TBC1D4: variants seen among roughly 807,000 people sequenced by gnomAD.
The protein encoded by TBC1D4 is TBC (Tre-2, BUB2, CDC16) domain-containing protein.
TBC1D4 carries 121 observed loss-of-function variants against 142.5 expected under a neutral mutation model. The ratio of observed to expected loss-of-function variants is 0.85; its 90% CI spans 0.73 to 0.99. The LOEUF (loss-of-function observed/expected upper bound fraction) is 0.99, where lower values mean the gene tolerates loss of function less well. Ranked by LOEUF, TBC1D4 falls within the 50% of genes least tolerant of loss-of-function variation. TBC1D4 has a pLI of 0.00. For missense variants in TBC1D4, 1,475 were observed against 1,606.6 expected (o/e 0.92, Z 1.40); for synonymous variants, 630 against 628.2 (o/e 1.00, Z -0.04).
chr13:75,354,609 G>A lies in TBC1D4; in HGVS notation c.1275+1538C>T, dbSNP rs111876291. 1.9e-3 allele frequency among the ~76,000 whole-genome samples: 287 copies of A among 152,228 alleles called. 3 individuals carry two copies. The highest frequency in any genetic ancestry group is 6.5e-3 in the African/African-American group (272 of 41,534). On this transcript the variant is annotated intron_variant, in intron 4 of 20. Coordinates refer to ENST00000377636, the MANE Select transcript of TBC1D4 (RefSeq NM_014832.5). ...TAGTTTTTAGAAAGGTAGCAGAGTG[G>A]GGGGATCCAGAACATGACAGAAGGA...
chr13:75,319,783 T>G (rs1427887934), intron 12 of TBC1D4, among the ~76,000 whole-genome samples: 1 of 152,188 alleles, frequency 6.6e-6, no homozygotes, highest in African/African-American at 2.4e-5. Context: ...AATTTCAGCA[T>G]GGAATAGAGT....
chr13:75,463,962 A>G (rs1027711589), intron 1 of TBC1D4, among the ~76,000 whole-genome samples: 10 of 152,154 alleles, frequency 6.6e-5, no homozygotes, highest in African/African-American at 2.2e-4. Flanking sequence ...TAACAGAAAA[A>G]CCAACTCAAC....
At chr13:75,394,342 T>C (rs182312378) in intron 1 of TBC1D4, among the ~76,000 whole-genome samples, 94 of 152,304 alleles carry the variant, frequency 6.2e-4, no homozygotes, top group African/African-American at 1.9e-3. Flanking sequence ...AGCAGAACCA[T>C]AGTTTAGATT....
chr13:75,326,297 G>A lies in TBC1D4; in HGVS notation c.1933C>T (p.His645Tyr). ...QFRRRAHTFS[H>Y]PPSSTKRKLN... ...TTTCTCTTTGTGCTTGAAGGTGGGTGGCTGAACGTGTGTGCCCGTCTTCGA... is the reference window on the plus strand; with the variant it reads ...TTTCTCTTTGTGCTTGAAGGTGGGTAGCTGAACGTGTGTGCCCGTCTTCGA... The change falls in exon 10 of 21, where the codon CAC becomes TAC. Residue 645 changes from histidine to tyrosine, a missense_variant. Coordinates refer to ENST00000377636, the MANE Select transcript of TBC1D4 (RefSeq NM_014832.5). 6.2e-7 allele frequency: 1 copy of A among 1,614,144 alleles called. No homozygotes were observed. The highest frequency in any genetic ancestry group is 8.5e-7 in the Non-Finnish European group (1 of 1,180,048).
intron 8 of TBC1D4, among the ~76,000 whole-genome samples, chr13:75,330,511 T>C (rs1593738807): frequency 1.3e-5 from 2 of 152,314 alleles, no homozygotes; most frequent in South Asian, 4.1e-4. Flanking sequence ...AGTTGTGAGG[T>C]AAGTATGGTT....
At chr13:75,292,073 A>G in intron 19 of TBC1D4, 29 bp downstream of exon 19, 1 of 1,584,078 alleles carries the variant, frequency 6.3e-7, no homozygotes, top group South Asian at 1.1e-5. Context: ...GAAAACTGCT[A>G]TATAATACTA....
At chr13:75,376,515 T>C (rs978682445) in intron 1 of TBC1D4, among the ~76,000 whole-genome samples, 7 of 152,084 alleles carry the variant, frequency 4.6e-5, no homozygotes, top group South Asian at 2.1e-4. Flanking sequence ...GTAGCTGGAA[T>C]TACAGGCATG....
chr13:75,338,589 C>T (rs1880418886), intron 7 of TBC1D4, among the ~76,000 whole-genome samples: 1 of 152,080 alleles, frequency 6.6e-6, no homozygotes, highest in Non-Finnish European at 1.5e-5. Context: ...ATTTCTCCAT[C>T]ACAAAGAAAT....
rs151183862 is a variant in TBC1D4, at chr13:75,434,049, T to A, written c.498+47221A>T. On this transcript the variant is annotated intron_variant, in intron 1 of 20. Transcript: ENST00000377636. ...GGTTGCAGAGAAAAGGAAATACTTA[T>A]TCACTGTTGGTGGGAGAGTAAACTG... Among the ~76,000 whole-genome samples, 632 of 152,302 alleles carry A rather than the reference T, an allele frequency of 4.1e-3. 7 individuals are homozygous for A. Among genetic ancestry groups the A allele is most frequent in the South Asian group, 0.012 (58 of 4,828 alleles).
chr13:75,390,158 T>A (rs946227254), intron 1 of TBC1D4, among the ~76,000 whole-genome samples: 1 of 150,686 alleles, frequency 6.6e-6, no homozygotes, highest in Non-Finnish European at 1.5e-5. Context: ...CGGGCGCCTG[T>A]AATCCCAGCT....
At position 75,324,271 on chromosome 13, in the gene TBC1D4, C is replaced by T; in HGVS notation, c.2164G>A (p.Gly722Ser). ...SFLKSFYQNSGRLSPQYENEI... is the reference protein window; with the variant it reads ...SFLKSFYQNSSRLSPQYENEI... ...TTTTCATACTGTGGGGACAGTCTACCTGAATTCTGGTAAAAGCTTTTCAGG... is the reference window on the plus strand; with the variant it reads ...TTTTCATACTGTGGGGACAGTCTACTTGAATTCTGGTAAAAGCTTTTCAGG... The change falls in exon 11 of 21, where the codon GGT becomes AGT. Residue 722 changes from glycine (G) to serine (S), a missense_variant. Gly to Ser is a moderately conservative substitution (Grantham distance 56). This residue lies in a region of TBC1D4 where 1,227 missense variants were observed against 1,267.7 expected (regional missense o/e 0.97). Transcript: ENST00000377636. The T allele has an allele frequency of 6.8e-6, 11 of 1,613,864 alleles. No homozygotes were observed. The highest frequency in any genetic ancestry group is 9.3e-6 in the Non-Finnish European group (11 of 1,179,816).
chr13:75,310,257 A>C (rs1877620351), intron 13 of TBC1D4, 106 bp from the exon 14 acceptor site: 9 of 1,160,894 alleles, frequency 7.8e-6, no homozygotes, highest in Non-Finnish European at 1.0e-5. Context: ...TAAAAATGTC[A>C]CAAAGCCGCT....
intron 12 of TBC1D4, among the ~76,000 whole-genome samples, chr13:75,317,270 C>G (rs1294018797): frequency 6.6e-6 from 1 of 152,190 alleles, no homozygotes; most frequent in Admixed American, 6.5e-5. Context: ...CCAGGATCCT[C>G]TGCATTTCTG....
chr13:75,344,128 C>T (rs972559796), intron 5 of TBC1D4, among the ~76,000 whole-genome samples: 1 of 151,876 alleles, frequency 6.6e-6, no homozygotes, highest in Non-Finnish European at 1.5e-5. Context: ...GGATTACAGG[C>T]GTTAGCCACC....
intron 1 of TBC1D4, among the ~76,000 whole-genome samples, chr13:75,462,442 A>C (rs1446503611): frequency 2.0e-5 from 3 of 152,126 alleles, no homozygotes; most frequent in Non-Finnish European, 4.4e-5. Context: ...TCAGAACTTT[A>C]TCTCTTACTA....
chr13:75,342,819 AAT>A (rs961932117), intron 5 of TBC1D4, among the ~76,000 whole-genome samples: 10 of 150,778 alleles, frequency 6.6e-5, no homozygotes, highest in Non-Finnish European at 7.4e-5. Context: ...TTATGAAGAG[AAT>A]ATATATATAT....
At chr13:75,293,815 A>G (rs1202295933) in intron 18 of TBC1D4, among the ~76,000 whole-genome samples, 1 of 152,190 alleles carries the variant, frequency 6.6e-6, no homozygotes, top group Non-Finnish European at 1.5e-5. Flanking sequence ...TATCCTCAAA[A>G]CAAATTTCTC....
chr13:75,382,109 C>A lies in TBC1D4; in HGVS notation c.499-19502G>T, dbSNP rs1883889632. On this transcript the variant is annotated intron_variant, in intron 1 of 20. Coordinates refer to ENST00000377636, the MANE Select transcript of TBC1D4 (RefSeq NM_014832.5). The stretch of plus-strand genomic sequence containing the variant: ...TTAGCTCTTTCCACTTGGCGATTAG[C>A]TCTTTGTTAATATCCTCACCTCCAG... Among the ~76,000 whole-genome samples, 3 of 152,060 alleles carry A rather than the reference C, an allele frequency of 2.0e-5. No individual in the cohort carries two copies. In the South Asian group the frequency reaches 6.2e-4, roughly 31 times the overall value.
chr13:75,436,239 G>C (rs770149617), intron 1 of TBC1D4, among the ~76,000 whole-genome samples: 2 of 152,078 alleles, frequency 1.3e-5, no homozygotes, highest in South Asian at 4.1e-4. Context: ...ATGTGGAACC[G>C]TGAGTCCATT....
Sources: allele counts gnomAD v4.1 joint callset (sites outside exome capture counted in the v4.1 genomes callset), GRCh38; gene constraint gnomAD v4.1.1; regional missense constraint gnomAD v4.1.1; transcripts MANE v1.5; gene names NCBI Gene and HGNC (gene_info 2026-07-23, HGNC 2026-07-21).